The following HLTF variants were observed in gnomAD, a reference collection of about 807,000 sequenced individuals.
HLTF encodes helicase like transcription factor, also known as DNA-dependent ATPase/E3 ubiquitin-protein ligase HLTF.
Under a neutral mutation model 129.4 loss-of-function variants are expected in HLTF, and 127 were observed. That is an observed-to-expected ratio of 0.98 (90% CI 0.85 to 1.14). The LOEUF is 1.14. Ranked by LOEUF, HLTF falls within the 50% of genes most tolerant of loss-of-function variation. The pLI is 0.00. For missense variants in HLTF, 1,139 were observed against 1,187.1 expected (o/e 0.96, Z 0.60); for synonymous variants, 332 against 388.8 (o/e 0.85, Z 1.72).
intron 18 of HLTF, 127 bp downstream of exon 18, chr3:149,045,953 T>C (rs1716513429): frequency 1.6e-6 from 1 of 630,240 alleles, no homozygotes; most frequent in Non-Finnish European, 2.7e-6. Flanking sequence ...AACACTGTAA[T>C]TCATAGAAGC....
In HLTF at chr3:149,076,016, CGTT is replaced by C; in HGVS notation, c.257_259del (p.Gln86del). On this transcript the variant is annotated inframe_deletion, in exon 3 of 25. Transcript: ENST00000310053. Reference sequence around the variant, plus strand: ...CTTATCATAAGGGTTATTAGGATCTCGTTGTAATGCAACCATTTCATTATTATT... The same window carrying C: ...CTTATCATAAGGGTTATTAGGATCTCGTAATGCAACCATTTCATTATTATT... The C allele has an allele frequency of 6.9e-7, 1 of 1,459,370 alleles. No individual in the cohort carries two copies. Among genetic ancestry groups the C allele is most frequent in the Non-Finnish European group, 9.5e-7 (1 of 1,050,158 alleles). The allele number at this position is 1,459,370 out of a possible 1,614,324, so 90.4% of individuals were successfully genotyped here.
chr3:149,077,168 A>G (rs1465583688), intron 2 of HLTF, among the ~76,000 whole-genome samples: 5 of 152,018 alleles, frequency 3.3e-5, no homozygotes, highest in Non-Finnish European at 7.4e-5. Flanking sequence ...GAACCACTTG[A>G]ACCCGGCAGG....
intron 23 of HLTF, among the ~76,000 whole-genome samples, chr3:149,036,665 C>G (rs1715660055): frequency 6.6e-6 from 1 of 151,824 alleles, no homozygotes; most frequent in Non-Finnish European, 1.5e-5. Flanking sequence ...GCCTGTAATC[C>G]CAGCTACTCA....
intron 18 of HLTF, among the ~76,000 whole-genome samples, 171 bp from the exon 19 acceptor site, chr3:149,042,461 A>G (rs1236118854): frequency 6.6e-6 from 1 of 152,150 alleles, no homozygotes; most frequent in Non-Finnish European, 1.5e-5. Context: ...CTATAACAAT[A>G]AGGCACAATA....
At chr3:149,060,910 A>G in intron 10 of HLTF, 52 bp from the exon 11 acceptor site, 1 of 1,179,578 alleles carries the variant, frequency 8.5e-7, no homozygotes. Context: ...AAGCAAAATA[A>G]GATATACAAA....
At chr3:149,044,601 T>C (rs1183569630) in intron 18 of HLTF, among the ~76,000 whole-genome samples, 2 of 152,104 alleles carry the variant, frequency 1.3e-5, no homozygotes, top group African/African-American at 4.8e-5. Context: ...AACTAATTAT[T>C]TGATATCTCT....
intron 12 of HLTF, 105 bp from the exon 13 acceptor site, chr3:149,059,912 T>G: frequency 1.4e-6 from 1 of 696,216 alleles, no homozygotes; most frequent in South Asian, 1.8e-5. Context: ...TCACCCTCTA[T>G]TGTAAGAGCT....
Position 149,055,325 on chromosome 3 carries a change from A to G in HLTF, c.1451T>C (p.Leu484Pro). The G allele has an allele frequency of 6.2e-7, 1 of 1,613,410 alleles. No individual in the cohort carries two copies. Among genetic ancestry groups the G allele is most frequent in the Non-Finnish European group, 8.5e-7 (1 of 1,179,388 alleles). The part of the protein sequence containing the change: ...RPRTTLIICP[L>P]SVLSNWIDQF... The stretch of plus-strand genomic sequence containing the variant: ...TACAATCCAGTTGCTTAACACAGAA[A>G]GCGGACAGATGATCAGTGTTGTTCT... Residue 484 changes from leucine to proline, a missense_variant, in exon 14 of 25, where the codon CTT becomes CCT. Transcript: ENST00000310053.
In HLTF at chr3:149,084,031, A is replaced by G. The variant is rs558369661; in HGVS notation, c.228+651T>C. On this transcript the variant is annotated intron_variant, in intron 2 of 24. Coordinates refer to ENST00000310053, the MANE Select transcript of HLTF (RefSeq NM_003071.4). ...GAGATTTTATTACAAAGATTTTATT[A>G]CAAAGATATATTACAAAGATTTTAA... 6.6e-5 allele frequency among the ~76,000 whole-genome samples: 10 copies of G among 152,288 alleles called. No individual in the cohort carries two copies. The South Asian group carries it at 2.1e-3, about 32-fold the overall frequency.
intron 10 of HLTF, among the ~76,000 whole-genome samples, chr3:149,061,836 C>CAAA (rs770669148): frequency 1.5e-5 from 1 of 65,836 alleles, no homozygotes; most frequent in South Asian, 4.9e-4. Flanking sequence ...AACTCTGTCT[C>CAAA]AAAAAAAAAA....
intron 23 of HLTF, among the ~76,000 whole-genome samples, chr3:149,037,458 ACT>A (rs1277105356): frequency 7.3e-6 from 1 of 136,650 alleles, no homozygotes; most frequent in African/African-American, 2.8e-5. Context: ...ACAGAGCAAG[ACT>A]CTGTCTCAAA....
chr3:149,077,134 G>A (rs1031985963), intron 2 of HLTF, among the ~76,000 whole-genome samples: 1 of 152,030 alleles, frequency 6.6e-6, no homozygotes, highest in Non-Finnish European at 1.5e-5. Context: ...TGTAGTCCTA[G>A]CTACTCGGGA....
At chr3:149,050,446 T>A in intron 14 of HLTF, 71 bp from the exon 15 acceptor site, 1 of 1,029,822 alleles carries the variant, frequency 9.7e-7, no homozygotes, top group Non-Finnish European at 1.4e-6. Flanking sequence ...TATAAAAAAG[T>A]AACTGCCCTG....
intron 9 of HLTF, 86 bp downstream of exon 9, chr3:149,064,705 T>C: frequency 1.1e-6 from 1 of 880,568 alleles, no homozygotes; most frequent in Non-Finnish European, 1.9e-6. Context: ...AATATTAGGC[T>C]GAAAAAACGC....
In HLTF at chr3:149,039,682, T is replaced by C; in HGVS notation, c.2514A>G (p.Leu838=). ...EWTSSSKINA[L]MHALTDLRKK... ...TTCTTAAGTCAGTCAATGCGTGCAT[T>C]AGCGCATTAATCTGCAAAAAATATT... is the stretch of plus-strand genomic sequence containing the variant. Residue 838 remains leucine (L), a synonymous_variant, in exon 22 of 25, where the codon CTA becomes CTG. Transcript: ENST00000310053. 1 of 1,578,156 alleles carries C rather than the reference T, an allele frequency of 6.3e-7. No homozygotes were observed. Among genetic ancestry groups the C allele is most frequent in the Non-Finnish European group, 8.6e-7 (1 of 1,160,580 alleles).
At chr3:149,062,309 T>C (rs916484494) in intron 10 of HLTF, among the ~76,000 whole-genome samples, 1 of 144,290 alleles carries the variant, frequency 6.9e-6, no homozygotes, top group African/African-American at 2.9e-5. Context: ...TTAACAGTGT[T>C]GTGTTACCCA....
chr3:149,086,425 C>A lies in HLTF; in HGVS notation c.-89G>T. 1.4e-6 allele frequency: 2 copies of A among 1,462,676 alleles called. No individual in the cohort carries two copies. The highest frequency in any genetic ancestry group is 1.9e-6 in the Non-Finnish European group (2 of 1,071,268). The allele number at this position is 1,462,676 out of a possible 1,614,324, so 90.6% of individuals were successfully genotyped here. ...ATACGCCTCCTTCCAGGCCCCGCAGCCCTGAAGCCGGGGACAAATTCCGAG... is the reference window on the plus strand; with the variant it reads ...ATACGCCTCCTTCCAGGCCCCGCAGACCTGAAGCCGGGGACAAATTCCGAG... On this transcript the variant is annotated 5_prime_UTR_variant, in exon 1 of 25. Coordinates refer to ENST00000310053, the MANE Select transcript of HLTF (RefSeq NM_003071.4).
At chr3:149,074,369 A>T in intron 3 of HLTF, 21 bp from the exon 4 acceptor site, 1 of 1,581,842 alleles carries the variant, frequency 6.3e-7, no homozygotes, top group African/African-American at 1.4e-5. Context: ...TGGGAGAAAA[A>T]GAAAGGGAAA....
chr3:149,055,469 G>A, intron 13 of HLTF, 69 bp from the exon 14 acceptor site: 1 of 931,574 alleles, frequency 1.1e-6, no homozygotes. Flanking sequence ...TAAGGAGATG[G>A]CAATAATGTG....
Sources: gnomAD v4.1 joint callset for allele counts (sites outside exome capture counted in the v4.1 genomes callset) on GRCh38, gnomAD v4.1.1 for gene constraint, MANE v1.5 for transcripts, NCBI Gene and HGNC (gene_info 2026-07-23, HGNC 2026-07-21) for gene names.